The following SLC5A3 variants were observed in gnomAD, a reference collection of about 807,000 sequenced individuals.
SLC5A3 encodes the protein sodium/myo-inositol cotransporter.
A neutral mutation model predicts 43.2 loss-of-function variants in SLC5A3; 10 were observed. The observed-to-expected ratio is 0.23, with a 90% confidence interval of 0.14 to 0.39. The LOEUF (loss-of-function observed/expected upper bound fraction) is 0.39, where lower values mean the gene tolerates loss of function less well. SLC5A3 is among the 10% of genes least tolerant of loss of function. The pLI, the probability that SLC5A3 is intolerant of heterozygous loss-of-function variation, is 1.00. For missense variants in SLC5A3, 608 were observed against 893.4 expected, an observed-to-expected ratio of 0.68 and a Z score of 4.07; for synonymous variants, 349 against 322.0, an observed-to-expected ratio of 1.08 and a Z score of -0.90.
chr21:34,083,372 C>G (rs1222249059), intron 1 of SLC5A3, among the ~76,000 whole-genome samples: 1 of 152,142 alleles, frequency 6.6e-6, no homozygotes, highest in African/African-American at 2.4e-5. Context: ...CTCAGATGCC[C>G]CGTGTATGAA....
Position 34,103,608 on chromosome 21 carries a change from TAGAA to T in SLC5A3, c.*6256_*6259del, listed in dbSNP as rs367820006. Reference sequence around the variant, plus strand: ...GTTCACACATTAGTGTACCCACACATAGAAAGCACAAGACTAATAGTATTCTCTG... The same window carrying T: ...GTTCACACATTAGTGTACCCACACATAGCACAAGACTAATAGTATTCTCTG... On this transcript the variant is annotated 3_prime_UTR_variant, in exon 2 of 2. Transcript: ENST00000381151. The T allele has an allele frequency of 1.0e-6, 1 of 999,976 alleles. No homozygotes were observed. The highest frequency in any genetic ancestry group is 6.2e-5 in the Admixed American group (1 of 16,238). The allele number at this position is 999,976 out of a possible 1,614,324, so 61.9% of individuals were successfully genotyped here.
In SLC5A3 at chr21:34,104,412, ATGTCTT is replaced by A; in HGVS notation, c.*7064_*7069del. ...TAGCTTGTTTATCAAGAATGAATGA[ATGTCTT>A]TGTCTTAAATTTTGCCCATGTGTTA... On this transcript the variant is annotated 3_prime_UTR_variant, in exon 2 of 2. Transcript: ENST00000381151. 5.0e-6 allele frequency: 5 copies of A among 1,000,166 alleles called. No individual in the cohort carries two copies. The highest frequency in any genetic ancestry group is 6.0e-6 in the Non-Finnish European group (5 of 829,966). The allele number at this position is 1,000,166 out of a possible 1,614,324, so 62.0% of individuals were successfully genotyped here. A position where few individuals can be genotyped will look rare whatever the true frequency, so the allele number is the denominator to read the frequency against.
At chr21:34,088,051 G>A (rs1006099775) in intron 1 of SLC5A3, among the ~76,000 whole-genome samples, 8 of 152,170 alleles carry the variant, frequency 5.3e-5, no homozygotes, top group African/African-American at 1.7e-4. Flanking sequence ...TTCATACCCC[G>A]GAACAACAGG....
intron 1 of SLC5A3, among the ~76,000 whole-genome samples, chr21:34,078,268 C>T (rs1209383681): frequency 2.6e-5 from 4 of 152,026 alleles, no homozygotes. Context: ...GAAGACTTGA[C>T]CCTGTGAACA....
chr21:34,089,435 T>C (rs9984163), intron 1 of SLC5A3, among the ~76,000 whole-genome samples: 3,653 of 152,010 alleles, frequency 0.024, 158 homozygotes, highest in African/African-American at 0.082. Flanking sequence ...ATAGTTGTTC[T>C]TCCCTCCCTG....
At chr21:34,080,765 C>A (rs187350117) in intron 1 of SLC5A3, among the ~76,000 whole-genome samples, 2 of 152,310 alleles carry the variant, frequency 1.3e-5, no homozygotes, top group Admixed American at 6.5e-5. Flanking sequence ...CTATGCTTTG[C>A]ATATATGGTA....
chr21:34,102,112 T>C lies in SLC5A3; in HGVS notation c.*4757T>C. 1 of 1,000,166 alleles carries C rather than the reference T, an allele frequency of 1.0e-6. No homozygotes were observed. 62.0% of individuals were successfully genotyped at this position (1,000,166 alleles called of 1,614,324 possible). ...TAGGGCTGCAAATCTTTTTCTTCTG[T>C]CAAGGTCACTTAATATGGAATGTTT... On this transcript the variant is annotated 3_prime_UTR_variant, in exon 2 of 2. Coordinates refer to ENST00000381151, the MANE Select transcript of SLC5A3 (RefSeq NM_006933.7).
chr21:34,074,011 CG>C (rs1200380419), intron 1 of SLC5A3, among the ~76,000 whole-genome samples: 9 of 144,642 alleles, frequency 6.2e-5, no homozygotes, highest in Non-Finnish European at 1.4e-4. Context: ...GCCCGCCGGG[CG>C]GGGGGCGGGG....
At position 34,101,831 on chromosome 21, in the gene SLC5A3, A is replaced by G; in HGVS notation, c.*4476A>G. ...TTCTCACACTTTGTGTTGGCTAATAATAAAAGCACTGTTTTATTCTCAAAA... is the reference window on the plus strand; with the variant it reads ...TTCTCACACTTTGTGTTGGCTAATAGTAAAAGCACTGTTTTATTCTCAAAA... On this transcript the variant is annotated 3_prime_UTR_variant, in exon 2 of 2. Coordinates refer to ENST00000381151, the MANE Select transcript of SLC5A3 (RefSeq NM_006933.7). 2 of 999,652 alleles carry G rather than the reference A, an allele frequency of 2.0e-6. No homozygotes were observed. The highest frequency in any genetic ancestry group is 2.4e-6 in the Non-Finnish European group (2 of 829,480). 61.9% of individuals were successfully genotyped at this position (999,652 alleles called of 1,614,324 possible).
rs903209370 is a variant in SLC5A3 at position 34,101,659 on chromosome 21, T to G, written c.*4304T>G. 1.0e-6 allele frequency: 1 copy of G among 1,000,098 alleles called. No homozygotes were observed. The highest frequency in any genetic ancestry group is 1.2e-6 in the Non-Finnish European group (1 of 829,978). The allele number at this position is 1,000,098 out of a possible 1,614,324, so 62.0% of individuals were successfully genotyped here. A position where few individuals can be genotyped will look rare whatever the true frequency, so the allele number is the denominator to read the frequency against. On this transcript the variant is annotated 3_prime_UTR_variant, in exon 2 of 2. Coordinates refer to ENST00000381151, the MANE Select transcript of SLC5A3 (RefSeq NM_006933.7). The stretch of plus-strand genomic sequence containing the variant: ...GATTTTTTTGTCAGCTTAGTTCACT[T>G]TAAGGCATATTGGCATGGTGTGTGA...
chr21:34,082,996 C>A (rs574057192), intron 1 of SLC5A3, among the ~76,000 whole-genome samples: 2 of 152,272 alleles, frequency 1.3e-5, no homozygotes, highest in Non-Finnish European at 2.9e-5. Context: ...GCAAAACTTT[C>A]TTTATTGGAG....
chr21:34,081,830 C>T (rs749538137), intron 1 of SLC5A3, among the ~76,000 whole-genome samples: 1 of 152,130 alleles, frequency 6.6e-6, no homozygotes, highest in Admixed American at 6.6e-5. Context: ...TGAAGAAACT[C>T]TAAAAGATAA....
At chr21:34,089,228 G>C (rs1300943530) in intron 1 of SLC5A3, among the ~76,000 whole-genome samples, 2 of 151,892 alleles carry the variant, frequency 1.3e-5, no homozygotes, top group East Asian at 3.9e-4. Context: ...GGTTTGGCCA[G>C]GCAGGTCTCG....
At chr21:34,078,293 T>A (rs1989381252) in intron 1 of SLC5A3, among the ~76,000 whole-genome samples, 1 of 152,124 alleles carries the variant, frequency 6.6e-6, no homozygotes, top group Admixed American at 6.5e-5. Flanking sequence ...TATACTTTCA[T>A]TTGGTATTAA....
At chr21:34,094,137 C>T (rs993492008) in intron 1 of SLC5A3, among the ~76,000 whole-genome samples, 1 of 152,190 alleles carries the variant, frequency 6.6e-6, no homozygotes, top group African/African-American at 2.4e-5. Flanking sequence ...CTTCTTGCAG[C>T]ATCTTCTAAC....
intron 1 of SLC5A3, among the ~76,000 whole-genome samples, chr21:34,076,121 G>A (rs1426222921): frequency 6.6e-6 from 1 of 152,170 alleles, no homozygotes; most frequent in Non-Finnish European, 1.5e-5. Flanking sequence ...GGAAAATGCT[G>A]TGTTAGGCAA....
Position 34,105,640 on chromosome 21 carries a change from T to G in SLC5A3, c.*8285T>G, listed in dbSNP as rs188888702. The G allele has an allele frequency of 1.0e-6, 1 of 999,696 alleles. No individual in the cohort carries two copies. Among genetic ancestry groups the G allele is most frequent in the East Asian group, 1.1e-4 (1 of 8,808 alleles). 61.9% of individuals were successfully genotyped at this position (999,696 alleles called of 1,614,324 possible). A position where few individuals can be genotyped will look rare whatever the true frequency, so the allele number is the denominator to read the frequency against. ...CATGTGTCATTTTAGTTAGGCATTG[T>G]AGGCCAAATGTGATTATAAATGAAG... On this transcript the variant is annotated 3_prime_UTR_variant, in exon 2 of 2. Coordinates refer to ENST00000381151, the MANE Select transcript of SLC5A3 (RefSeq NM_006933.7).
chr21:34,085,131 A>T (rs969975571), intron 1 of SLC5A3, among the ~76,000 whole-genome samples: 1 of 152,200 alleles, frequency 6.6e-6, no homozygotes, highest in Non-Finnish European at 1.5e-5. Context: ...TCAATCAAGG[A>T]TCATATATTT....
chr21:34,083,661 A>T (rs1403421563), intron 1 of SLC5A3, among the ~76,000 whole-genome samples: 1 of 152,218 alleles, frequency 6.6e-6, no homozygotes, highest in East Asian at 1.9e-4. Flanking sequence ...TGTATGAAGT[A>T]TAGTATCTTG....
Sources: allele counts gnomAD v4.1 joint callset (sites outside exome capture counted in the v4.1 genomes callset), GRCh38; gene constraint gnomAD v4.1.1; transcripts MANE v1.5; gene names NCBI Gene and HGNC (gene_info 2026-07-23, HGNC 2026-07-21).